RANBP2: variants seen among roughly 807,000 people sequenced by gnomAD.
RANBP2 encodes E3 SUMO-protein ligase RanBP2.
A neutral mutation model predicts 303.6 loss-of-function variants in RANBP2; 57 were observed. The observed-to-expected ratio is 0.19, with a 90% CI of 0.15 to 0.23. RANBP2 has a LOEUF of 0.23. Among genes scored for constraint, RANBP2 ranks in the 10% least tolerant of loss-of-function variants. The pLI, the probability that RANBP2 is intolerant of heterozygous loss-of-function variation, is 1.00. For synonymous variants in RANBP2, 1,167 were observed against 1,301.5 expected, an observed-to-expected ratio of 0.90 and a Z score of 2.23; for missense variants, 3,138 against 3,780.8, an observed-to-expected ratio of 0.83 and a Z score of 4.46.
chr2:108,721,063 CAA>C (rs765057254), intron 1 of RANBP2, among the ~76,000 whole-genome samples: 1 of 151,464 alleles, frequency 6.6e-6, no homozygotes, highest in Non-Finnish European at 1.5e-5. Flanking sequence ...AAAACAAAAA[CAA>C]AAAAAACCCG....
rs781717148 is a variant in RANBP2, at chr2:108,763,239, C to T, written c.2700C>T (p.Gly900=). The change falls in exon 20 of 29, where the codon GGC becomes GGT. Residue 900 remains glycine (G), a splice_region_variant and synonymous_variant. Coordinates refer to ENST00000283195, the MANE Select transcript of RANBP2 (RefSeq NM_006267.5). ...RPAANVTPTK[G]PVYGMNRLPP... ...TGTTTTAACTTTCTGTCTTTTAGGGCCCAGTCTATGGCATGAATAGGCTTC... is the reference window on the plus strand; with the variant it reads ...TGTTTTAACTTTCTGTCTTTTAGGGTCCAGTCTATGGCATGAATAGGCTTC... 1.2e-6 allele frequency: 2 copies of T among 1,613,434 alleles called. No individual in the cohort carries two copies. Among genetic ancestry groups the T allele is most frequent in the Admixed American group, 3.3e-5 (2 of 59,990 alleles).
At chr2:109,578,888 C>A in the RANBP2 span, among the ~76,000 whole-genome samples, 4 of 151,894 alleles carry the variant, frequency 2.6e-5, no homozygotes, top group African/African-American at 9.7e-5. Context: ...GGCTGAAAAT[C>A]AATGAGAAAT....
At chr2:109,425,933 T>G in the RANBP2 span, among the ~76,000 whole-genome samples, 1 of 152,186 alleles carries the variant, frequency 6.6e-6, no homozygotes, top group Admixed American at 6.5e-5. Context: ...AGTTTCACTC[T>G]GTCGTCCAGG....
chr2:109,034,960 G>A, the RANBP2 span, among the ~76,000 whole-genome samples: 1 of 152,160 alleles, frequency 6.6e-6, no homozygotes. Flanking sequence ...AAAAAGAAAA[G>A]GAGACAAGAA....
chr2:109,385,596 G>A, the RANBP2 span, among the ~76,000 whole-genome samples: 72,354 of 152,120 alleles, frequency 0.48, 17,342 homozygotes, highest in Middle Eastern at 0.55. Flanking sequence ...AATAATCAGC[G>A]CTTTTGGGAA....
the RANBP2 span, among the ~76,000 whole-genome samples, chr2:108,926,661 G>C: frequency 6.6e-6 from 1 of 152,202 alleles, no homozygotes; most frequent in Non-Finnish European, 1.5e-5. Context: ...TTGGTTCCCA[G>C]GTCCTCCCAC....
At chr2:109,034,029 A>T in the RANBP2 span, among the ~76,000 whole-genome samples, 4 of 151,284 alleles carry the variant, frequency 2.6e-5, no homozygotes, top group African/African-American at 9.7e-5. Context: ...TTGGGAGGCC[A>T]GGTGGGTGGA....
the RANBP2 span, among the ~76,000 whole-genome samples, chr2:109,232,119 T>A: frequency 0.013 from 1,935 of 152,340 alleles, 20 homozygotes; most frequent in South Asian, 0.024. Context: ...GTCTGTTTGG[T>A]CTTAAGTTAC....
chr2:109,150,838 T>C, the RANBP2 span, among the ~76,000 whole-genome samples: 7 of 152,194 alleles, frequency 4.6e-5, no homozygotes, highest in Non-Finnish European at 8.8e-5. Flanking sequence ...AAAAAAGTTT[T>C]GTGCTTTTAC....
At chr2:109,495,932 ATGCTAT>A in the RANBP2 span, among the ~76,000 whole-genome samples, 2 of 152,208 alleles carry the variant, frequency 1.3e-5, no homozygotes, top group Non-Finnish European at 2.9e-5. Flanking sequence ...ATAATAATAT[ATGCTAT>A]TGTGTCCAGA....
the RANBP2 span, among the ~76,000 whole-genome samples, chr2:109,648,990 A>G: frequency 6.6e-6 from 1 of 152,136 alleles, no homozygotes; most frequent in African/African-American, 2.4e-5. Flanking sequence ...GGCTGGATGT[A>G]TAGGTAGGAC....
chr2:109,328,949 G>C, the RANBP2 span, among the ~76,000 whole-genome samples: 3 of 152,284 alleles, frequency 2.0e-5, no homozygotes, highest in East Asian at 5.8e-4. Context: ...GGGTGGTCAT[G>C]ACAAGCTTGG....
chr2:108,897,099 C>T, the RANBP2 span: 4 of 1,614,146 alleles, frequency 2.5e-6, no homozygotes, highest in Admixed American at 3.3e-5. Flanking sequence ...CAATCTCATC[C>T]CTCTTCAGGC....
At chr2:108,727,983 T>G (rs543411970) in intron 1 of RANBP2, among the ~76,000 whole-genome samples, 276 of 152,288 alleles carry the variant, frequency 1.8e-3, no homozygotes, top group African/African-American at 6.2e-3. Context: ...ACTTGAAGAA[T>G]TCAATATTTA....
the RANBP2 span, among the ~76,000 whole-genome samples, chr2:109,569,414 G>A: frequency 6.7e-6 from 1 of 149,618 alleles, no homozygotes; most frequent in Admixed American, 6.7e-5. Flanking sequence ...CTTCAGCCTG[G>A]GCAACAAGAG....
At chr2:108,972,977 ATTTAT>A in the RANBP2 span, among the ~76,000 whole-genome samples, 3 of 151,974 alleles carry the variant, frequency 2.0e-5, no homozygotes, top group Non-Finnish European at 4.4e-5. Context: ...TTATTTTTTT[ATTTAT>A]TTTAATTGAA....
At chr2:109,614,190 T>A in the RANBP2 span, 1 of 1,131,526 alleles carries the variant, frequency 8.8e-7, no homozygotes, top group Non-Finnish European at 1.1e-6. Context: ...ATTGCGGCCC[T>A]CGCGAGGCCG....
the RANBP2 span, among the ~76,000 whole-genome samples, chr2:109,431,736 C>T: frequency 3.9e-5 from 6 of 152,222 alleles, no homozygotes; most frequent in South Asian, 2.1e-4. Flanking sequence ...GCCAGCATGG[C>T]GGTGCACACC....
the RANBP2 span, among the ~76,000 whole-genome samples, chr2:109,002,832 C>G: frequency 1.3e-5 from 2 of 152,226 alleles, no homozygotes; most frequent in African/African-American, 4.8e-5. Flanking sequence ...CACTTCTAGG[C>G]TCCTCTGATC....
Sources: gnomAD v4.1 joint callset for allele counts (sites outside exome capture counted in the v4.1 genomes callset) on GRCh38, gnomAD v4.1.1 for gene constraint, MANE v1.5 for transcripts, NCBI Gene and HGNC (gene_info 2026-07-23, HGNC 2026-07-21) for gene names.